Variants in SRPK1 observed in about 807,000 individuals in gnomAD.
SRPK1 encodes SFRS protein kinase 1.
SRPK1 carries 52 observed loss-of-function variants against 89.5 expected under a neutral mutation model. The observed-to-expected ratio is 0.58, with a 90% CI of 0.46 to 0.73. The LOEUF is 0.73. Among genes scored for constraint, SRPK1 ranks in the 30% least tolerant of loss-of-function variants. The pLI is 0.00. For synonymous variants in SRPK1, 255 were observed against 270.2 expected, an observed-to-expected ratio of 0.94 and a Z score of 0.55; for missense variants, 603 against 780.6, an observed-to-expected ratio of 0.77 and a Z score of 2.71.
chr6:35,833,407 CCAG>C lies in SRPK1; in HGVS notation c.*1894_*1896del, dbSNP rs1188191503. 1 of 152,364 alleles carries C rather than the reference CCAG, an allele frequency of 6.6e-6. No individual in the cohort carries two copies. The highest frequency in any genetic ancestry group is 1.5e-5 in the Non-Finnish European group (1 of 68,038). The allele number at this position is 152,364 out of a possible 1,614,324, so 9.4% of individuals were successfully genotyped here. On this transcript the variant is annotated 3_prime_UTR_variant, in exon 16 of 16. Coordinates refer to ENST00000373825, the MANE Select transcript of SRPK1 (RefSeq NM_003137.5). ...GTTTTGTTATTTCACCTTAATATCA[CCAG>C]AATTCCTGTAATTCCACAATTGTGA...
chr6:35,920,830 A>C, intron 1 of SRPK1: 1 of 502,810 alleles, frequency 2.0e-6, no homozygotes, highest in South Asian at 3.2e-5. Flanking sequence ...GGCGGGGAAC[A>C]AGGGGCGGCT....
intron 3 of SRPK1, among the ~76,000 whole-genome samples, chr6:35,889,935 A>T (rs1372615288): frequency 7.4e-6 from 1 of 135,106 alleles, no homozygotes; most frequent in African/African-American, 2.8e-5. Context: ...TGTGTCTACT[A>T]AAAAAAAAAA....
intron 6 of SRPK1, among the ~76,000 whole-genome samples, chr6:35,885,744 C>G (rs1383227274): frequency 6.6e-6 from 1 of 152,212 alleles, no homozygotes; most frequent in Non-Finnish European, 1.5e-5. Flanking sequence ...TCATCTTTTA[C>G]TGAAAAATCT....
chr6:35,858,133 A>G (rs1769703876), intron 12 of SRPK1, among the ~76,000 whole-genome samples: 1 of 152,186 alleles, frequency 6.6e-6, no homozygotes, highest in Non-Finnish European at 1.5e-5. Flanking sequence ...AATATATACA[A>G]AAGTAGAAAG....
chr6:35,912,941 A>C, intron 2 of SRPK1, among the ~76,000 whole-genome samples: 1 of 152,106 alleles, frequency 6.6e-6, no homozygotes, highest in South Asian at 2.1e-4. Context: ...GTGCCACCAC[A>C]CCCAGCTAAC....
rs138537102 is a variant in SRPK1 at position 35,878,353 on chromosome 6, C to G, written c.479-4014G>C. On this transcript the variant is annotated intron_variant, in intron 6 of 15. Coordinates refer to ENST00000373825, the MANE Select transcript of SRPK1 (RefSeq NM_003137.5). ...TCCTGACTCAAGTAAGAATCGTAAACTAGAGAAGAGTCTGAGAAGATGGTG... is the reference window on the plus strand; with the variant it reads ...TCCTGACTCAAGTAAGAATCGTAAAGTAGAGAAGAGTCTGAGAAGATGGTG... Among the ~76,000 whole-genome samples, 580 of 152,194 alleles carry G rather than the reference C, an allele frequency of 3.8e-3. 2 individuals carry two copies. The highest frequency in any genetic ancestry group is 0.013 in the African/African-American group (545 of 41,522).
chr6:35,872,056 A>G (rs1430333072), intron 8 of SRPK1, among the ~76,000 whole-genome samples: 1 of 152,196 alleles, frequency 6.6e-6, no homozygotes, highest in Non-Finnish European at 1.5e-5. Context: ...TTTATTTGGT[A>G]TATAATATTG....
At chr6:35,894,358 AG>A (rs1020373379) in intron 2 of SRPK1, among the ~76,000 whole-genome samples, 2 of 152,208 alleles carry the variant, frequency 1.3e-5, no homozygotes, top group Non-Finnish European at 2.9e-5. Context: ...CCCTAAATGT[AG>A]GGGGGAAAAA....
At chr6:35,884,212 G>C (rs774095249) in intron 6 of SRPK1, among the ~76,000 whole-genome samples, 8 of 152,054 alleles carry the variant, frequency 5.3e-5, no homozygotes, top group Non-Finnish European at 1.2e-4. Context: ...AGACATAGGA[G>C]GTCATATAAG....
intron 2 of SRPK1, among the ~76,000 whole-genome samples, chr6:35,903,881 G>A (rs776510175): frequency 9.9e-5 from 15 of 152,096 alleles, no homozygotes; most frequent in Admixed American, 2.6e-4. Context: ...ATCATGGCAC[G>A]TAGCAGCCTT....
chr6:35,867,496 T>C (rs1396294948), intron 12 of SRPK1, among the ~76,000 whole-genome samples: 1 of 152,182 alleles, frequency 6.6e-6, no homozygotes, highest in Non-Finnish European at 1.5e-5. Flanking sequence ...AATCATTCTA[T>C]TATAAATTTT....
At chr6:35,843,276 T>C (rs933120945) in intron 13 of SRPK1, among the ~76,000 whole-genome samples, 1 of 150,066 alleles carries the variant, frequency 6.7e-6, no homozygotes, top group African/African-American at 2.5e-5. Flanking sequence ...CCCAGGTCTT[T>C]CTTACATTAT....
chr6:35,868,119 T>C (rs1485540408), intron 12 of SRPK1, among the ~76,000 whole-genome samples: 1 of 152,100 alleles, frequency 6.6e-6, no homozygotes, highest in East Asian at 2.0e-4. Flanking sequence ...ATTACAGGCA[T>C]GCGCCAACAC....
At chr6:35,880,880 G>C (rs1334905431) in intron 6 of SRPK1, among the ~76,000 whole-genome samples, 1 of 148,558 alleles carries the variant, frequency 6.7e-6, no homozygotes, top group Non-Finnish European at 1.5e-5. Context: ...TGAACTCAAA[G>C]ACACCCACAT....
At chr6:35,848,953 C>T (rs568157997) in intron 13 of SRPK1, among the ~76,000 whole-genome samples, 1 of 152,068 alleles carries the variant, frequency 6.6e-6, no homozygotes, top group African/African-American at 2.4e-5. Context: ...TGGATTTGAC[C>T]CCAAAAGCCC....
chr6:35,840,669 C>T (rs1040922059), intron 14 of SRPK1, among the ~76,000 whole-genome samples: 5 of 152,104 alleles, frequency 3.3e-5, no homozygotes, highest in African/African-American at 1.2e-4. Context: ...GGTATTATCC[C>T]ATGAGTTAGG....
intron 2 of SRPK1, among the ~76,000 whole-genome samples, chr6:35,894,364 G>GA (rs765702771): frequency 6.6e-6 from 1 of 152,116 alleles, no homozygotes; most frequent in Non-Finnish European, 1.5e-5. Flanking sequence ...ATGTAGGGGG[G>GA]AAAAATGCCC....
At chr6:35,840,334 T>C (rs1486641745) in intron 14 of SRPK1, among the ~76,000 whole-genome samples, 2 of 152,288 alleles carry the variant, frequency 1.3e-5, no homozygotes, top group Non-Finnish European at 2.9e-5. Flanking sequence ...CCTACAACCT[T>C]TGAGCAGTTT....
chr6:35,838,327 T>A lies in SRPK1; in HGVS notation c.1783+10A>T, dbSNP rs770498799. On this transcript the variant is annotated intron_variant, in intron 15 of 15. Coordinates refer to ENST00000373825, the MANE Select transcript of SRPK1 (RefSeq NM_003137.5). ...TGCCTCCTTAATGTCTGGGAACACA[T>A]TTACTTTACCTTTTTTGGTGAAAAA... 6 of 1,551,462 alleles carry A rather than the reference T, an allele frequency of 3.9e-6. No individual in the cohort carries two copies. In the South Asian group the frequency reaches 7.5e-5, roughly 19 times the overall value.
Sources: gnomAD v4.1 joint callset for allele counts (sites outside exome capture counted in the v4.1 genomes callset) on GRCh38, gnomAD v4.1.1 for gene constraint, MANE v1.5 for transcripts, NCBI Gene and HGNC (gene_info 2026-07-23, HGNC 2026-07-21) for gene names.